FILIP1L: variants seen among roughly 807,000 people sequenced by gnomAD.
FILIP1L encodes the protein filamin A-interacting protein 1-like.
A neutral mutation model predicts 96.6 loss-of-function variants in FILIP1L; 55 were observed. The observed-to-expected ratio is 0.57, with a 90% confidence interval of 0.46 to 0.71. FILIP1L has a LOEUF of 0.71. FILIP1L is among the 30% of genes least tolerant of loss of function. FILIP1L has a pLI of 0.00. For missense variants in FILIP1L, 1,304 were observed against 1,321.2 expected (o/e 0.99, Z 0.20); for synonymous variants, 467 against 473.9 (o/e 0.99, Z 0.19).
intron 5 of FILIP1L, among the ~76,000 whole-genome samples, chr3:99,838,075 C>T (rs1454893341): frequency 6.6e-6 from 1 of 152,220 alleles, no homozygotes; most frequent in African/African-American, 2.4e-5. Context: ...ATATTGATTG[C>T]CTGTCCAAGC....
chr3:100,078,346 T>TC (rs1342222245), intron 1 of FILIP1L, among the ~76,000 whole-genome samples: 1 of 152,242 alleles, frequency 6.6e-6, no homozygotes, highest in Non-Finnish European at 1.5e-5. Context: ...AATTTTTTTT[T>TC]CTGTTACAGT....
chr3:100,035,686 T>C (rs2065096211), intron 1 of FILIP1L, among the ~76,000 whole-genome samples: 1 of 152,242 alleles, frequency 6.6e-6, no homozygotes, highest in African/African-American at 2.4e-5. Context: ...TTTATCATTC[T>C]GATATAGGGG....
rs1048917953 is a variant in FILIP1L at position 99,951,662 on chromosome 3, G to T, written c.-10-20632C>A. Among the ~76,000 whole-genome samples, 48 of 152,168 alleles carry T rather than the reference G, an allele frequency of 3.2e-4. 1 individual carries two copies. The highest frequency in any genetic ancestry group is 4.4e-5 in the Non-Finnish European group (3 of 68,024). ...ACCACATATACACAGTCCCCACTAT[G>T]TTGGGCTTGGCCACCTTATGTCTCT... is the stretch of plus-strand genomic sequence containing the variant. On this transcript the variant is annotated intron_variant, in intron 1 of 5. Coordinates refer to ENST00000477258, the MANE Select transcript of FILIP1L (RefSeq NM_001387850.1).
intron 1 of FILIP1L, among the ~76,000 whole-genome samples, chr3:100,038,472 G>GC (rs1437462838): frequency 7.2e-5 from 11 of 152,124 alleles, no homozygotes; most frequent in African/African-American, 2.7e-4. Context: ...GCGGAAACAG[G>GC]CAATACTACT....
chr3:100,101,522 A>G (rs1225821696), intron 1 of FILIP1L, among the ~76,000 whole-genome samples: 3 of 152,138 alleles, frequency 2.0e-5, no homozygotes, highest in Non-Finnish European at 2.9e-5. Context: ...TTCCATTGGA[A>G]TTCTTGATTG....
At chr3:99,869,647 C>G (rs902420609) in intron 4 of FILIP1L, among the ~76,000 whole-genome samples, 2 of 152,168 alleles carry the variant, frequency 1.3e-5, no homozygotes, top group Admixed American at 6.5e-5. Flanking sequence ...GCTCCTGGAC[C>G]AGGCAACTCC....
rs755832821 is a variant in FILIP1L at position 99,966,660 on chromosome 3, A to G, written c.-10-35630T>C. Among the ~76,000 whole-genome samples the G allele has an allele frequency of 2.0e-5, 3 of 152,334 alleles. No individual in the cohort carries two copies. The East Asian group carries it at 5.8e-4, about 29-fold the overall frequency. On this transcript the variant is annotated intron_variant, in intron 1 of 5. Coordinates refer to ENST00000477258, the MANE Select transcript of FILIP1L (RefSeq NM_001387850.1). ...ATGCCACATTTACATGGCATTTTCA[A>G]CCTTCAAACTCTAGCAGATTTTAAA...
rs565030553 is a variant in FILIP1L at position 100,003,242 on chromosome 3, A to T, written c.-10-72212T>A. Among the ~76,000 whole-genome samples the T allele has an allele frequency of 1.1e-3, 171 of 152,304 alleles. 4 individuals are homozygous for T. In the South Asian group the frequency reaches 0.035, roughly 31 times the overall value. On this transcript the variant is annotated intron_variant, in intron 1 of 5. Transcript: ENST00000477258. ...TCATACCAATGACCATGTGGAGAAA[A>T]TAAAAGAATGTTAGAACTGGCAAGT...
intron 1 of FILIP1L, among the ~76,000 whole-genome samples, chr3:99,971,229 A>G (rs1380010067): frequency 6.6e-6 from 1 of 151,776 alleles, no homozygotes; most frequent in Non-Finnish European, 1.5e-5. Flanking sequence ...AGTCCCAGCT[A>G]CTCGGGAGGC....
intron 1 of FILIP1L, among the ~76,000 whole-genome samples, chr3:100,037,113 C>G (rs1471300840): frequency 6.6e-6 from 1 of 151,452 alleles, no homozygotes; most frequent in Non-Finnish European, 1.5e-5. Flanking sequence ...AGTATTGGGA[C>G]AATTGGTAAA....
At chr3:100,043,035 T>A (rs1039299321) in intron 1 of FILIP1L, among the ~76,000 whole-genome samples, 2 of 152,260 alleles carry the variant, frequency 1.3e-5, no homozygotes, top group Non-Finnish European at 2.9e-5. Flanking sequence ...CAGCCTTCTT[T>A]GCTCATCTCT....
intron 1 of FILIP1L, among the ~76,000 whole-genome samples, chr3:100,073,831 A>C (rs747976412): frequency 1.3e-5 from 2 of 151,776 alleles, no homozygotes; most frequent in South Asian, 4.2e-4. Context: ...CTTTCCACTC[A>C]CTCTTTTTAA....
chr3:99,963,752 G>A (rs961820548), intron 1 of FILIP1L, among the ~76,000 whole-genome samples: 1 of 151,850 alleles, frequency 6.6e-6, no homozygotes, highest in African/African-American at 2.4e-5. Flanking sequence ...GAGTAGCTGG[G>A]GATTACAGGC....
At chr3:100,068,685 T>A (rs1175160965) in intron 1 of FILIP1L, among the ~76,000 whole-genome samples, 2 of 152,196 alleles carry the variant, frequency 1.3e-5, no homozygotes, top group Non-Finnish European at 2.9e-5. Flanking sequence ...TGGAGTGCAG[T>A]TGCACGATCT....
intron 4 of FILIP1L, among the ~76,000 whole-genome samples, chr3:99,912,178 T>C (rs1159712909): frequency 1.3e-5 from 2 of 152,222 alleles, no homozygotes; most frequent in East Asian, 3.8e-4. Context: ...GAATGAAGTA[T>C]ACTGATACAT....
At chr3:99,948,746 AAAG>A (rs1295425912) in intron 1 of FILIP1L, among the ~76,000 whole-genome samples, 3 of 151,788 alleles carry the variant, frequency 2.0e-5, no homozygotes, top group Admixed American at 6.6e-5. Flanking sequence ...GGAAAGGAAA[AAAG>A]AGGAAAAGGA....
chr3:99,881,037 G>C (rs1705708997), intron 4 of FILIP1L, among the ~76,000 whole-genome samples: 1 of 152,074 alleles, frequency 6.6e-6, no homozygotes, highest in Non-Finnish European at 1.5e-5. Flanking sequence ...CTGCCTGTTG[G>C]CCCCCTAACA....
At chr3:100,031,961 ATTTTATGTATT>A (rs1292009896) in intron 1 of FILIP1L, among the ~76,000 whole-genome samples, 1 of 151,948 alleles carries the variant, frequency 6.6e-6, no homozygotes, top group Non-Finnish European at 1.5e-5. Context: ...TTAAATTTGA[ATTTTATGTATT>A]TTTCATGCAT....
intron 1 of FILIP1L, among the ~76,000 whole-genome samples, chr3:100,032,141 T>G (rs397875587): frequency 6.6e-6 from 1 of 152,144 alleles, no homozygotes; most frequent in Non-Finnish European, 1.5e-5. Flanking sequence ...TGAGGAAGAT[T>G]GTAGGTGTTA....
Sources: allele counts gnomAD v4.1 joint callset (sites outside exome capture counted in the v4.1 genomes callset), GRCh38; gene constraint gnomAD v4.1.1; transcripts MANE v1.5; gene names NCBI Gene and HGNC (gene_info 2026-07-23, HGNC 2026-07-21).